HUNK: variants seen among roughly 807,000 people sequenced by gnomAD.
HUNK encodes the protein hormonally up-regulated Neu-associated kinase.
Under a neutral mutation model 61.0 loss-of-function variants are expected in HUNK, and 21 were observed. The observed-to-expected ratio is 0.34, with a 90% CI of 0.24 to 0.50. HUNK has a LOEUF of 0.50. Among genes scored for constraint, HUNK ranks in the 20% least tolerant of loss-of-function variants. The pLI is 0.98. For missense variants in HUNK, 772 were observed against 945.7 expected, an observed-to-expected ratio of 0.82 and a Z score of 2.41; for synonymous variants, 371 against 386.1, an observed-to-expected ratio of 0.96 and a Z score of 0.46.
intron 5 of HUNK, among the ~76,000 whole-genome samples, chr21:31,967,666 AG>A (rs1410199315): frequency 2.6e-5 from 4 of 152,138 alleles, no homozygotes; most frequent in African/African-American, 7.2e-5. Context: ...ATGGCTTTAA[AG>A]GAAAGGATCA....
At chr21:31,940,092 C>G in intron 2 of HUNK, 73 bp from the exon 3 acceptor site, 1 of 1,245,722 alleles carries the variant, frequency 8.0e-7, no homozygotes, top group Non-Finnish European at 1.1e-6. Flanking sequence ...AGTTCATTTC[C>G]CTTCAGAAGC....
In HUNK at chr21:31,960,850, C is replaced by T. The variant is rs546733026; in HGVS notation, c.874+1880C>T. ...TGGGACACAGCCAAACCATATCACCCAGTTTCCCCCAATAGTAATATATTG... is the reference window on the plus strand; with the variant it reads ...TGGGACACAGCCAAACCATATCACCTAGTTTCCCCCAATAGTAATATATTG... On this transcript the variant is annotated intron_variant, in intron 5 of 10. Transcript: ENST00000270112. 7.9e-5 allele frequency among the ~76,000 whole-genome samples: 12 copies of T among 152,260 alleles called. No homozygotes were observed. In the East Asian group the frequency reaches 2.1e-3, roughly 27 times the overall value.
intron 2 of HUNK, among the ~76,000 whole-genome samples, chr21:31,933,778 CTG>C (rs1225060815): frequency 1.5e-5 from 2 of 136,672 alleles, no homozygotes; most frequent in East Asian, 4.3e-4. Context: ...GAGCAAGACT[CTG>C]TCTCAAAAAA....
intron 8 of HUNK, among the ~76,000 whole-genome samples, chr21:31,985,373 A>T (rs1265145128): frequency 6.6e-6 from 1 of 152,114 alleles, no homozygotes; most frequent in African/African-American, 2.4e-5. Flanking sequence ...GCTGCAGTGG[A>T]GCATGGTGGT....
At chr21:31,993,295 A>G (rs899916139) in intron 9 of HUNK, among the ~76,000 whole-genome samples, 55 of 152,178 alleles carry the variant, frequency 3.6e-4, no homozygotes, top group African/African-American at 1.2e-3. Context: ...GAAGTTTTGC[A>G]TCTTGATTGT....
chr21:31,916,069 G>A (rs1478881130), intron 1 of HUNK, among the ~76,000 whole-genome samples: 1 of 4,714 alleles, frequency 2.1e-4, no homozygotes, highest in African/African-American at 1.0e-3. Context: ...TTTTTTTTTT[G>A]AGACGGAGTC....
chr21:31,995,195 G>A lies in HUNK; in HGVS notation c.1306-573G>A, dbSNP rs2053196146. ...AAAAAAAAAAAAGCTTCATACACACGTTCATACACACGAGTACTAAGTACG... is the reference window on the plus strand; with the variant it reads ...AAAAAAAAAAAAGCTTCATACACACATTCATACACACGAGTACTAAGTACG... On this transcript the variant is annotated intron_variant, in intron 9 of 10. Transcript: ENST00000270112. Among the ~76,000 whole-genome samples, 3 of 145,774 alleles carry A rather than the reference G, an allele frequency of 2.1e-5. No homozygotes were observed. In the South Asian group the frequency reaches 6.5e-4, roughly 32 times the overall value.
Position 32,000,044 on chromosome 21 carries a change from G to T in HUNK, c.*860G>T. 1 of 397,670 alleles carries T rather than the reference G, an allele frequency of 2.5e-6. No homozygotes were observed. The allele number at this position is 397,670 out of a possible 1,614,324, so 24.6% of individuals were successfully genotyped here. ...GCTGAGTGCTGTGGCCCACAGGCAG[G>T]GCAAGTCTCGGTGGCCCTGTGTTCA... On this transcript the variant is annotated 3_prime_UTR_variant, in exon 11 of 11. Coordinates refer to ENST00000270112, the MANE Select transcript of HUNK (RefSeq NM_014586.2).
At chr21:31,941,977 CGAG>C (rs2052771723) in intron 3 of HUNK, among the ~76,000 whole-genome samples, 1 of 152,090 alleles carries the variant, frequency 6.6e-6, no homozygotes, top group African/African-American at 2.4e-5. Context: ...TTTGGGAGGC[CGAG>C]GAGGGTGGAT....
intron 4 of HUNK, among the ~76,000 whole-genome samples, chr21:31,948,067 A>G (rs1184616462): frequency 1.3e-5 from 2 of 152,180 alleles, no homozygotes; most frequent in Non-Finnish European, 2.9e-5. Context: ...GGAAGAAGAA[A>G]CCCATCATAA....
At position 31,990,418 on chromosome 21, in the gene HUNK, ATTC is replaced by A. The variant is rs529048351; in HGVS notation, c.1305+245_1305+247del. 4.4e-3 allele frequency among the ~76,000 whole-genome samples: 650 copies of A among 148,644 alleles called. 5 individuals are homozygous for A. The highest frequency in any genetic ancestry group is 0.015 in the African/African-American group (611 of 40,634). On this transcript the variant is annotated intron_variant, in intron 9 of 10. Transcript: ENST00000270112. ...AGAATTTCTTTTGCCAGAAGACCTCATTCTTTTTTTTTTTTTAAAGCCGTTGAC... is the reference window on the plus strand; with the variant it reads ...AGAATTTCTTTTGCCAGAAGACCTCATTTTTTTTTTTTTAAAGCCGTTGAC...
At chr21:31,899,117 G>A (rs574100287) in intron 1 of HUNK, among the ~76,000 whole-genome samples, 10 of 144,214 alleles carry the variant, frequency 6.9e-5, no homozygotes, top group Admixed American at 3.7e-4. Context: ...TTAACAAGTC[G>A]AGGCTGGCAA....
At position 31,940,178 on chromosome 21, in the gene HUNK, G is replaced by C; in HGVS notation, c.568G>C (p.Glu190Gln). The change falls in exon 3 of 11, where the codon GAG becomes CAG. Residue 190 changes from glutamate to glutamine, a missense_variant. Physicochemically the swap from Glu to Gln is conservative, Grantham distance 29. Around this residue, in one of 2 missense-constraint regions of HUNK, gnomAD observed 359 missense variants for 501.3 expected, o/e 0.72. Transcript: ENST00000270112. The part of the protein sequence containing the change: ...AGVVHRDLKI[E>Q]NLLLDEDNNI... The stretch of plus-strand genomic sequence containing the variant: ...TGTTTATTTCAGAGACTTGAAGATA[G>C]AGAATTTGCTACTAGATGAAGACAA... 6.3e-7 allele frequency: 1 copy of C among 1,593,342 alleles called. No individual in the cohort carries two copies. Among genetic ancestry groups the C allele is most frequent in the Non-Finnish European group, 8.5e-7 (1 of 1,170,164 alleles).
chr21:31,955,673 C>T (rs986304190), intron 4 of HUNK, among the ~76,000 whole-genome samples: 2 of 152,196 alleles, frequency 1.3e-5, no homozygotes, highest in African/African-American at 4.8e-5. Flanking sequence ...GGTGGTCATC[C>T]AATGCCTCTG....
chr21:31,903,489 T>C (rs966373397), intron 1 of HUNK, among the ~76,000 whole-genome samples: 1 of 152,208 alleles, frequency 6.6e-6, no homozygotes, highest in African/African-American at 2.4e-5. Context: ...ATTTTCATTC[T>C]TGGCCACACA....
chr21:31,881,538 G>A (rs2052307156), intron 1 of HUNK, among the ~76,000 whole-genome samples: 3 of 152,032 alleles, frequency 2.0e-5, no homozygotes, highest in Non-Finnish European at 4.4e-5. Context: ...CAGGAGAGTC[G>A]CTTGAACCAA....
Position 31,873,057 on chromosome 21 carries a change from C to T in HUNK, c.-618C>T, listed in dbSNP as rs560443733. Among the ~76,000 whole-genome samples the T allele has an allele frequency of 1.3e-5, 2 of 152,280 alleles. No individual in the cohort carries two copies. The highest frequency in any genetic ancestry group is 3.9e-4 in the East Asian group (2 of 5,150). ...AAAGTGCACGGGCTGCGGAGTGGAG[C>T]TCGCATCTGTTCCCGCCGCCCGCGA... is the stretch of plus-strand genomic sequence containing the variant. On this transcript the variant is annotated 5_prime_UTR_variant, in exon 1 of 11. Transcript: ENST00000270112. This position sits in a 1 kb window ranked among gnomAD's most constrained non-coding sequence, Gnocchi z 6.1.
At chr21:31,927,839 G>A (rs770851516) in intron 2 of HUNK, among the ~76,000 whole-genome samples, 2 of 152,118 alleles carry the variant, frequency 1.3e-5, no homozygotes, top group Non-Finnish European at 2.9e-5. Context: ...CCAGCCTTGG[G>A]TAGGCACCAT....
At chr21:31,876,874 C>T (rs962016123) in intron 1 of HUNK, among the ~76,000 whole-genome samples, 11 of 152,130 alleles carry the variant, frequency 7.2e-5, no homozygotes, top group African/African-American at 2.7e-4. Context: ...TCTCCAACTC[C>T]TGGCCTCAAG....
Sources: allele counts gnomAD v4.1 joint callset (sites outside exome capture counted in the v4.1 genomes callset), GRCh38; gene constraint gnomAD v4.1.1; regional missense constraint gnomAD v4.1.1; non-coding constraint Gnocchi (gnomAD v3.1); transcripts MANE v1.5; gene names NCBI Gene and HGNC (gene_info 2026-07-23, HGNC 2026-07-21).